Variants in MS4A6E observed in about 807,000 individuals in gnomAD.
MS4A6E encodes membrane spanning 4-domains A6E, also known as membrane-spanning 4-domains subfamily A member 6E.
MS4A6E carries 8 observed loss-of-function variants against 13.2 expected under a neutral mutation model. That is an observed-to-expected ratio of 0.60 (90% CI 0.35 to 1.09). The LOEUF (loss-of-function observed/expected upper bound fraction) is 1.09, where lower values mean the gene tolerates loss of function less well. Among genes scored for constraint, MS4A6E ranks in the 50% least tolerant of loss-of-function variants. MS4A6E has a pLI of 0.02. For synonymous variants in MS4A6E, 72 were observed against 67.6 expected (o/e 1.06, Z -0.32); for missense variants, 177 against 171.1 (o/e 1.03, Z -0.19).
rs755749951 is a variant in MS4A6E at position 60,337,723 on chromosome 11, C to A, written c.148-18C>A. 3 of 1,613,846 alleles carry A rather than the reference C, an allele frequency of 1.9e-6. No homozygotes were observed. Among genetic ancestry groups the A allele is most frequent in the Middle Eastern group, 1.7e-4 (1 of 5,976 alleles). On this transcript the variant is annotated intron_variant, in intron 2 of 4. Transcript: ENST00000684409. ...GTGGCCCTTTGGGAATGATTCTTAC[C>A]CAGCATGTCTCTTTCAGGTGCATAG...
intron 3 of MS4A6E, 84 bp from the exon 4 acceptor site, chr11:60,339,782 T>G (rs2085211817): frequency 8.5e-7 from 1 of 1,173,984 alleles, no homozygotes; most frequent in South Asian, 1.2e-5. Context: ...TGAGGTGGTC[T>G]TCATCTCTAT....
chr11:60,327,834 A>G (rs1016581905), intron 1 of MS4A6E, among the ~76,000 whole-genome samples: 2 of 152,058 alleles, frequency 1.3e-5, no homozygotes, highest in African/African-American at 4.8e-5. Context: ...GTTCAAGACC[A>G]GTTTGGCTGA....
intron 2 of MS4A6E, among the ~76,000 whole-genome samples, chr11:60,337,460 T>C (rs1478344488): frequency 6.6e-6 from 1 of 152,102 alleles, no homozygotes; most frequent in Non-Finnish European, 1.5e-5. Flanking sequence ...GGCCCTGCTA[T>C]CTGTCCCAGG....
downstream of MS4A6E, among the ~76,000 whole-genome samples, chr11:60,342,183 GAGAGAGAGAGAGA>G (rs2085230825): frequency 6.0e-5 from 1 of 16,788 alleles, no homozygotes; most frequent in African/African-American, 1.6e-4. Flanking sequence ...GTGTGTGAGA[GAGAGAGAGAGAGA>G]GAGAGGGGGG....
chr11:60,329,321 A>G (rs1302442418), intron 1 of MS4A6E, among the ~76,000 whole-genome samples: 3 of 152,104 alleles, frequency 2.0e-5, no homozygotes, highest in Non-Finnish European at 4.4e-5. Flanking sequence ...AAGGACATGA[A>G]CTCATTCTTT....
rs563155814 is a variant in MS4A6E, at chr11:60,339,795, T to C, written c.355-71T>C. 121 of 1,324,446 alleles carry C rather than the reference T, an allele frequency of 9.1e-5. 1 individual carries two copies. In the South Asian group the frequency reaches 1.3e-3, roughly 14 times the overall value. 82.0% of individuals were successfully genotyped at this position (1,324,446 alleles called of 1,614,324 possible). On this transcript the variant is annotated intron_variant, in intron 3 of 4. Coordinates refer to ENST00000684409, the MANE Select transcript of MS4A6E (RefSeq NM_139249.4). ...GTTGAGGTGGTCTTCATCTCTATGG[T>C]CACCTCTAAACTAGGCATGAAAGCT...
intron 1 of MS4A6E, among the ~76,000 whole-genome samples, chr11:60,334,324 T>C (rs956369429): frequency 5.9e-5 from 9 of 152,308 alleles, no homozygotes; most frequent in Middle Eastern, 3.4e-3. Flanking sequence ...GAAGGGCCCC[T>C]AGAATCTCTA....
At chr11:60,345,619 GT>G (rs2085252834), downstream of MS4A6E, among the ~76,000 whole-genome samples, 1 of 152,238 alleles carries the variant, frequency 6.6e-6, no homozygotes, top group Non-Finnish European at 1.5e-5. Flanking sequence ...TGGAAGGAAA[GT>G]GGCTGTGTTT....
At chr11:60,333,146 A>G (rs10792265) in intron 1 of MS4A6E, among the ~76,000 whole-genome samples, 54,462 of 152,100 alleles carry the variant, frequency 0.36, 10,267 homozygotes, top group East Asian at 0.41. Context: ...TGGAATAGTT[A>G]CCAGGCTGTG....
chr11:60,339,888 T>A lies in MS4A6E; in HGVS notation c.377T>A (p.Val126Asp). 1 of 1,613,830 alleles carries A rather than the reference T, an allele frequency of 6.2e-7. No individual in the cohort carries two copies. Among genetic ancestry groups the A allele is most frequent in the Non-Finnish European group, 8.5e-7 (1 of 1,179,790 alleles). ...CAGGGAACTCTGTCTCTGATGCTGGTTTCTACTGTGTTGGAGTTCTGCCTA... is the reference window on the plus strand; with the variant it reads ...CAGGGAACTCTGTCTCTGATGCTGGATTCTACTGTGTTGGAGTTCTGCCTA... ...SLAGTLSLML[V>D]STVLEFCLAV... The change falls in exon 4 of 5, where the codon GTT becomes GAT. Residue 126 changes from valine to aspartate, a missense_variant. Coordinates refer to ENST00000684409, the MANE Select transcript of MS4A6E (RefSeq NM_139249.4).
intron 4 of MS4A6E, among the ~76,000 whole-genome samples, chr11:60,347,656 G>A (rs1424229490): frequency 6.6e-6 from 1 of 151,774 alleles, no homozygotes; most frequent in Admixed American, 6.6e-5. Flanking sequence ...GACAGTGAGG[G>A]CATCCACCCT....
In MS4A6E at chr11:60,341,328, G is replaced by C. The variant is rs2085224695; in HGVS notation, c.*562G>C. On this transcript the variant is annotated 3_prime_UTR_variant, in exon 5 of 5. Transcript: ENST00000684409. ...TAGCCGGCTTCAAAATAAAATCTTT[G>C]AGTGCATACTTTATTTTAATACTTA... 6.6e-6 allele frequency among the ~76,000 whole-genome samples: 1 copy of C among 152,092 alleles called. No homozygotes were observed. Among genetic ancestry groups the C allele is most frequent in the Non-Finnish European group, 1.5e-5 (1 of 68,012 alleles).
At position 60,329,328 on chromosome 11, in the gene MS4A6E, C is replaced by A. The variant is rs553243198; in HGVS notation, c.-15+1920C>A. 3.3e-5 allele frequency among the ~76,000 whole-genome samples: 5 copies of A among 152,218 alleles called. No homozygotes were observed. The South Asian group carries it at 1.0e-3, about 32-fold the overall frequency. ...TCCCTGAAAAGGACATGAACTCATT[C>A]TTTTTTATGGCTGCATAGTATTCCA... On this transcript the variant is annotated intron_variant, in intron 1 of 4. Coordinates refer to ENST00000684409, the MANE Select transcript of MS4A6E (RefSeq NM_139249.4).
intron 1 of MS4A6E, among the ~76,000 whole-genome samples, chr11:60,329,076 G>A (rs1289217780): frequency 6.6e-6 from 1 of 152,100 alleles, no homozygotes; most frequent in East Asian, 1.9e-4. Context: ...CACGTGCCAT[G>A]GTGGTTTGCT....
intron 1 of MS4A6E, among the ~76,000 whole-genome samples, chr11:60,330,144 T>C (rs1369445404): frequency 6.7e-6 from 1 of 148,910 alleles, no homozygotes; most frequent in Non-Finnish European, 1.5e-5. Flanking sequence ...CACTTTTTGA[T>C]GGGGTTGTTT....
chr11:60,330,640 A>G (rs935375907), intron 1 of MS4A6E, among the ~76,000 whole-genome samples: 13 of 152,000 alleles, frequency 8.6e-5, no homozygotes, highest in Admixed American at 7.2e-4. Flanking sequence ...CGCCTGGCCA[A>G]TTTTGGCTTT....
intron 1 of MS4A6E, 154 bp from the exon 2 acceptor site, chr11:60,334,728 G>A (rs1300865059): frequency 1.3e-6 from 1 of 752,194 alleles, no homozygotes; most frequent in African/African-American, 1.8e-5. Flanking sequence ...ATGATACCAA[G>A]GTTGTGTGGC....
chr11:60,347,221 T>G (rs1342444726), intron 4 of MS4A6E, among the ~76,000 whole-genome samples: 1 of 152,184 alleles, frequency 6.6e-6, no homozygotes. Context: ...TGCTTTAGTT[T>G]TGGGGAATCA....
At chr11:60,332,785 A>G (rs2085164962) in intron 1 of MS4A6E, among the ~76,000 whole-genome samples, 1 of 152,272 alleles carries the variant, frequency 6.6e-6, no homozygotes. Context: ...TAAAACAAAT[A>G]TACCAAATAA....
Sources: allele counts gnomAD v4.1 joint callset (sites outside exome capture counted in the v4.1 genomes callset), GRCh38; gene constraint gnomAD v4.1.1; transcripts MANE v1.5; gene names NCBI Gene and HGNC (gene_info 2026-07-23, HGNC 2026-07-21).